SUPT3H: variants seen among roughly 807,000 people sequenced by gnomAD.
SUPT3H encodes transcription initiation protein SPT3 homolog.
A neutral mutation model predicts 44.3 loss-of-function variants in SUPT3H; 44 were observed. That is an observed-to-expected ratio of 0.99 (90% CI 0.78 to 1.28). SUPT3H has a LOEUF of 1.28. Among genes scored for constraint, SUPT3H ranks in the 50% most tolerant of loss-of-function variants. The pLI, the probability that SUPT3H is intolerant of heterozygous loss-of-function variation, is 0.00. For synonymous variants in SUPT3H, 124 were observed against 125.6 expected, an observed-to-expected ratio of 0.99 and a Z score of 0.09; for missense variants, 380 against 387.1, an observed-to-expected ratio of 0.98 and a Z score of 0.15.
chr6:45,158,010 C>T lies in SUPT3H; in HGVS notation c.102-52004G>A, dbSNP rs143380358. Among the ~76,000 whole-genome samples, 820 of 147,712 alleles carry T rather than the reference C, an allele frequency of 5.6e-3. 7 individuals carry two copies. Among genetic ancestry groups the T allele is most frequent in the African/African-American group, 0.019 (747 of 40,132 alleles). On this transcript the variant is annotated intron_variant, in intron 2 of 10. Transcript: ENST00000371459. ...CGTAATTATAACTCCTCAACATGAC[C>T]CATCCATGCTCTAGGGGATTTAAAA...
At chr6:45,348,702 A>G (rs1581786069) in intron 2 of SUPT3H, among the ~76,000 whole-genome samples, 2 of 151,792 alleles carry the variant, frequency 1.3e-5, no homozygotes, top group South Asian at 2.1e-4. Context: ...ATTGGCAATA[A>G]TATCATTCAA....
At position 45,095,469 on chromosome 6, in the gene SUPT3H, G is replaced by A. The variant is rs1485479685; in HGVS notation, c.186+10453C>T. Among the ~76,000 whole-genome samples the A allele has an allele frequency of 6.7e-6, 1 of 148,280 alleles. No individual in the cohort carries two copies. The highest frequency in any genetic ancestry group is 2.2e-4 in the South Asian group (1 of 4,608). On this transcript the variant is annotated intron_variant, in intron 3 of 10. Coordinates refer to ENST00000371459, the MANE Select transcript of SUPT3H (RefSeq NM_003599.4). This position sits in a 1 kb window ranked among gnomAD's most constrained non-coding sequence, Gnocchi z 4.1. Reference sequence around the variant, plus strand: ...AATTCAGTGCATTTTAATCCAGATCGGAGATTAAGCCATAACTCTTCACAC... The same window carrying A: ...AATTCAGTGCATTTTAATCCAGATCAGAGATTAAGCCATAACTCTTCACAC...
In SUPT3H at chr6:45,217,262, G is replaced by A. The variant is rs945272898; in HGVS notation, c.102-111256C>T. ...GAGGCCGAGGCAGGTGAATCACAAG[G>A]TCAGGAGTCCAAGACCAACCTGACC... On this transcript the variant is annotated intron_variant, in intron 2 of 10. Coordinates refer to ENST00000371459, the MANE Select transcript of SUPT3H (RefSeq NM_003599.4). Among the ~76,000 whole-genome samples, 5 of 151,712 alleles carry A rather than the reference G, an allele frequency of 3.3e-5. No homozygotes were observed. The East Asian group carries it at 5.9e-4, about 18-fold the overall frequency.
At chr6:45,162,457 G>C (rs1454539842) in intron 2 of SUPT3H, among the ~76,000 whole-genome samples, 1 of 152,136 alleles carries the variant, frequency 6.6e-6, no homozygotes, top group African/African-American at 2.4e-5. Flanking sequence ...CCAGAGGTTT[G>C]AGGCTCCAGT....
intron 3 of SUPT3H, among the ~76,000 whole-genome samples, chr6:45,068,107 T>G (rs1480056687): frequency 2.0e-5 from 3 of 148,770 alleles, no homozygotes; most frequent in South Asian, 4.3e-4. Context: ...ATGTGGCACA[T>G]ATATACCATG....
intron 6 of SUPT3H, among the ~76,000 whole-genome samples, chr6:44,999,845 T>G (rs1403977925): frequency 6.6e-6 from 1 of 152,024 alleles, no homozygotes; most frequent in Non-Finnish European, 1.5e-5. Flanking sequence ...ATAAAATTAT[T>G]GCCTTTATTC....
chr6:45,259,367 A>G (rs2153656762), intron 2 of SUPT3H, among the ~76,000 whole-genome samples: 1 of 152,298 alleles, frequency 6.6e-6, no homozygotes, highest in East Asian at 1.9e-4. Flanking sequence ...TGTCTCCACT[A>G]GTTTAAAGGG....
chr6:45,246,548 C>T (rs1385931228), intron 2 of SUPT3H, among the ~76,000 whole-genome samples: 2 of 152,070 alleles, frequency 1.3e-5, no homozygotes, highest in Non-Finnish European at 2.9e-5. Context: ...TCTTAAGAAT[C>T]AATATTTAAC....
At chr6:45,162,022 A>G (rs145098894) in intron 2 of SUPT3H, among the ~76,000 whole-genome samples, 116 of 137,704 alleles carry the variant, frequency 8.4e-4, no homozygotes, top group Admixed American at 3.6e-3. Flanking sequence ...ATAACTCTTC[A>G]GAACATGTTT....
intron 2 of SUPT3H, chr6:45,321,757 T>G: frequency 7.1e-7 from 1 of 1,416,338 alleles, no homozygotes; most frequent in East Asian, 2.3e-5. Context: ...AAACTTGTTC[T>G]CTTGAAAAGC....
chr6:45,179,872 C>A (rs1369202978), intron 2 of SUPT3H, among the ~76,000 whole-genome samples: 1 of 152,036 alleles, frequency 6.6e-6, no homozygotes, highest in Non-Finnish European at 1.5e-5. Context: ...CTGTCCAGGG[C>A]AATTAGGCAG....
At chr6:44,833,383 G>A (rs1342131931) in intron 10 of SUPT3H, among the ~76,000 whole-genome samples, 1 of 152,104 alleles carries the variant, frequency 6.6e-6, no homozygotes, top group Non-Finnish European at 1.5e-5. Context: ...AGGACACTAA[G>A]ATAAATAGAC....
At chr6:45,262,584 T>C (rs1022072246) in intron 2 of SUPT3H, among the ~76,000 whole-genome samples, 6 of 152,146 alleles carry the variant, frequency 3.9e-5, no homozygotes, top group East Asian at 1.9e-4. Flanking sequence ...CGTACCTATC[T>C]GGACATCAAC....
intron 10 of SUPT3H, among the ~76,000 whole-genome samples, chr6:44,857,595 T>C (rs1227706093): frequency 6.6e-6 from 1 of 152,236 alleles, no homozygotes; most frequent in Non-Finnish European, 1.5e-5. Flanking sequence ...TATTATTATG[T>C]AGCATTATTA....
intron 2 of SUPT3H, among the ~76,000 whole-genome samples, chr6:45,274,730 T>A (rs1352510731): frequency 2.0e-5 from 3 of 152,016 alleles, no homozygotes; most frequent in South Asian, 2.1e-4. Context: ...AAAATATTTT[T>A]AAAATTTGCC....
At chr6:45,311,229 G>A (rs1783898663) in intron 2 of SUPT3H, among the ~76,000 whole-genome samples, 1 of 152,082 alleles carries the variant, frequency 6.6e-6, no homozygotes, top group Admixed American at 6.6e-5. Context: ...CAAAGAAAAA[G>A]AAAACAGAAT....
intron 10 of SUPT3H, among the ~76,000 whole-genome samples, chr6:44,870,191 G>A (rs1314198955): frequency 6.6e-6 from 1 of 152,134 alleles, no homozygotes; most frequent in African/African-American, 2.4e-5. Context: ...TCTACCAATG[G>A]AACAGTGCCT....
At chr6:44,942,724 C>T (rs1031710673) in intron 9 of SUPT3H, among the ~76,000 whole-genome samples, 5 of 152,116 alleles carry the variant, frequency 3.3e-5, no homozygotes, top group African/African-American at 9.7e-5. Context: ...TCACGTATGG[C>T]TTTCCGCAAA....
chr6:44,979,313 A>G (rs1040138811), intron 6 of SUPT3H, among the ~76,000 whole-genome samples: 11 of 152,214 alleles, frequency 7.2e-5, no homozygotes, highest in Non-Finnish European at 1.2e-4. Context: ...GAAACATACT[A>G]ATAAATACTG....
Sources: gnomAD v4.1 joint callset for allele counts (sites outside exome capture counted in the v4.1 genomes callset) on GRCh38, gnomAD v4.1.1 for gene constraint, Gnocchi (gnomAD v3.1) non-coding constraint, MANE v1.5 for transcripts, NCBI Gene and HGNC (gene_info 2026-07-23, HGNC 2026-07-21) for gene names.